MYOF: variants seen among roughly 807,000 people sequenced by gnomAD.
The protein encoded by MYOF is fer-1-like 3, myoferlin.
Under a neutral mutation model 284.2 loss-of-function variants are expected in MYOF, and 244 were observed. The observed-to-expected ratio is 0.86, with a 90% CI of 0.77 to 0.95. MYOF has a LOEUF of 0.95. Ranked by LOEUF, MYOF falls within the 40% of genes least tolerant of loss-of-function variation. The probability of loss-of-function intolerance (pLI) is 0.00; values close to 1 mark genes in which losing one functional copy is unlikely to be tolerated. For synonymous variants in MYOF, 904 were observed against 919.7 expected, an observed-to-expected ratio of 0.98 and a Z score of 0.31; for missense variants, 2,496 against 2,560.6, an observed-to-expected ratio of 0.97 and a Z score of 0.54.
intron 19 of MYOF, 36 bp from the exon 20 acceptor site, chr10:93,381,432 G>A: frequency 6.2e-7 from 1 of 1,603,702 alleles, no homozygotes; most frequent in Non-Finnish European, 8.5e-7. Flanking sequence ...TTCAGTGAAA[G>A]GCCATTTGTT....
rs1415298681 is a variant in MYOF, at chr10:93,408,852, C to T, written c.664G>A (p.Val222Ile). 6.2e-7 allele frequency: 1 copy of T among 1,614,200 alleles called. No individual in the cohort carries two copies. The change falls in exon 7 of 54, where the codon GTT (valine) becomes ATT (isoleucine). Residue 222 changes from valine to isoleucine, a missense_variant. Val to Ile is a conservative substitution (Grantham distance 29). Transcript: ENST00000359263. ...CGGTGTGTCTGGCCACAGACGTGAA[C>T]TTTGACCACAGGCCTTATGTTGTTA... ...SGNNIRPVVK[V>I]HVCGQTHRTR...
chr10:93,401,788 TGTGC>T (rs1368782826), intron 11 of MYOF, among the ~76,000 whole-genome samples: 1 of 53,926 alleles, frequency 1.9e-5, no homozygotes, highest in Non-Finnish European at 3.9e-5. Context: ...AGTAAGAGCC[TGTGC>T]GTGTGTGTGT....
chr10:93,370,106 A>G (rs1845516572), intron 24 of MYOF, among the ~76,000 whole-genome samples: 1 of 152,170 alleles, frequency 6.6e-6, no homozygotes, highest in Non-Finnish European at 1.5e-5. Context: ...TGCAAAAGCA[A>G]CAGTGGAAAA....
intron 49 of MYOF, 45 bp from the exon 50 acceptor site, chr10:93,316,858 C>T (rs374189909): frequency 1.0e-4 from 157 of 1,504,872 alleles, no homozygotes; most frequent in Non-Finnish European, 1.3e-4. Flanking sequence ...GAAACACTCA[C>T]CTTTGGCTCC....
At position 93,387,859 on chromosome 10, in the gene MYOF, C is replaced by T; in HGVS notation, c.1636G>A (p.Glu546Lys). The change falls in exon 19 of 54, where the codon GAG becomes AAG. Residue 546 changes from glutamate (E) to lysine (K), a missense_variant. Transcript: ENST00000359263. ...AGCTTTTTATCTGGTGGTGTCTTCT[C>T]AAGAAAAGTGGCTAATTCAACCAAG... is the stretch of plus-strand genomic sequence containing the variant. The part of the protein sequence containing the change: ...RILVELATFL[E>K]KTPPDKKLEP... 6.2e-7 allele frequency: 1 copy of T among 1,614,112 alleles called. No individual in the cohort carries two copies. The highest frequency in any genetic ancestry group is 8.5e-7 in the Non-Finnish European group (1 of 1,180,022).
intron 3 of MYOF, among the ~76,000 whole-genome samples, chr10:93,441,709 G>A (rs1368651969): frequency 2.0e-5 from 3 of 151,610 alleles, no homozygotes; most frequent in African/African-American, 4.8e-5. Flanking sequence ...GATTACAGGC[G>A]CTTGCCACCA....
chr10:93,413,407 T>C (rs1160683597), intron 5 of MYOF, among the ~76,000 whole-genome samples: 1 of 152,192 alleles, frequency 6.6e-6, no homozygotes, highest in African/African-American at 2.4e-5. Flanking sequence ...AAGAATGCTA[T>C]GGGTTCCACA....
chr10:93,431,504 C>A lies in MYOF; in HGVS notation c.249G>T (p.Thr83=), dbSNP rs199793976. The A allele has an allele frequency of 6.2e-7, 1 of 1,613,496 alleles. No individual in the cohort carries two copies. Among genetic ancestry groups the A allele is most frequent in the African/African-American group, 1.3e-5 (1 of 74,890 alleles). Residue 83 remains threonine (T), a synonymous_variant, in exon 4 of 54, where the codon ACG becomes ACT. Transcript: ENST00000359263. The part of the protein sequence containing the change: ...ETIGQNKLIG[T]ATVALKDLTG... ...TCAGGTCCTTCAGGGCTACAGTCGCCGTGCCAATTAATCTGCAGGGAAAAC... is the reference window on the plus strand; with the variant it reads ...TCAGGTCCTTCAGGGCTACAGTCGCAGTGCCAATTAATCTGCAGGGAAAAC...
At position 93,409,696 on chromosome 10, in the gene MYOF, A is replaced by T; in HGVS notation, c.477T>A (p.Asn159Lys). The T allele has an allele frequency of 6.2e-7, 1 of 1,614,190 alleles. No individual in the cohort carries two copies. Among genetic ancestry groups the T allele is most frequent in the Non-Finnish European group, 8.5e-7 (1 of 1,180,034 alleles). Residue 159 changes from asparagine (N) to lysine (K), a missense_variant, in exon 6 of 54, where the codon AAT (asparagine) becomes AAA (lysine). Asn to Lys is a moderately conservative substitution (Grantham distance 94, BLOSUM62 0). Transcript: ENST00000359263. ...EDEGDEDRLDNAVRGPGPKGP... is the reference protein window; with the variant it reads ...EDEGDEDRLDKAVRGPGPKGP... ...CCTTGGGCCCAGGGCCCCTGACTGCATTGTCCAACCTGTCTTCATCACCTT... is the reference window on the plus strand; with the variant it reads ...CCTTGGGCCCAGGGCCCCTGACTGCTTTGTCCAACCTGTCTTCATCACCTT...
intron 11 of MYOF, 47 bp downstream of exon 11, chr10:93,402,184 CT>C (rs1847327036): frequency 6.6e-7 from 1 of 1,521,578 alleles, no homozygotes; most frequent in Non-Finnish European, 9.1e-7. Context: ...AACTCTTGGC[CT>C]TCTTTTTTAG....
At chr10:93,459,992 A>G (rs1283561215) in intron 1 of MYOF, among the ~76,000 whole-genome samples, 2 of 152,180 alleles carry the variant, frequency 1.3e-5, no homozygotes, top group Non-Finnish European at 2.9e-5. Flanking sequence ...AAGAGAGAAG[A>G]TAGGAGATTC....
At chr10:93,329,070 C>T (rs1476990806) in intron 44 of MYOF, among the ~76,000 whole-genome samples, 159 bp from the exon 45 acceptor site, 1 of 152,088 alleles carries the variant, frequency 6.6e-6, no homozygotes, top group Non-Finnish European at 1.5e-5. Flanking sequence ...TTTCAGAGTC[C>T]TAAAAACCCA....
rs1356146110 is a variant in MYOF at position 93,396,141 on chromosome 10, C to T, written c.1417+1G>A. The stretch of plus-strand genomic sequence containing the variant: ...TGTTCTAGATCTGTTGAGTGACTTA[C>T]CTTCCACTTCCCCACCAGAGGCAGC... On this transcript the variant is annotated splice_donor_variant, in intron 16 of 53. Transcript: ENST00000359263. LOFTEE classifies it high-confidence loss of function. 2.5e-6 allele frequency: 4 copies of T among 1,603,860 alleles called. No individual in the cohort carries two copies. The highest frequency in any genetic ancestry group is 1.3e-5 in the African/African-American group (1 of 74,598).
rs778952541 is a variant in MYOF at position 93,313,261 on chromosome 10, G to A, written c.5699-51C>T. ...CAAATGAGCTTCAAGTGGATCAGCT[G>A]TTGTTCACAAGTGAACAGAACGTTC... On this transcript the variant is annotated intron_variant, in intron 50 of 53. Coordinates refer to ENST00000359263, the MANE Select transcript of MYOF (RefSeq NM_013451.4). The A allele has an allele frequency of 5.2e-6, 8 of 1,547,862 alleles. No individual in the cohort carries two copies. In the East Asian group the frequency reaches 1.6e-4, roughly 31 times the overall value.
chr10:93,401,490 G>C lies in MYOF; in HGVS notation c.1045C>G (p.Leu349Val). ...DSDDVESNLL[L>V]PAGIALRWVT... ...CACCGGAGGGCAATGCCAGCAGGGA[G>C]TAACAAATTACTCTCCACATCATCA... The change falls in exon 12 of 54, where the codon CTC (leucine) becomes GTC (valine). Residue 349 changes from leucine (L) to valine (V), a missense_variant. Physicochemically the swap from Leu to Val is conservative, Grantham distance 32. Transcript: ENST00000359263. The C allele has an allele frequency of 6.2e-7, 1 of 1,614,138 alleles. No homozygotes were observed. The highest frequency in any genetic ancestry group is 8.5e-7 in the Non-Finnish European group (1 of 1,180,014).
At chr10:93,345,281 C>A (rs1181247768) in intron 37 of MYOF, among the ~76,000 whole-genome samples, 1 of 152,150 alleles carries the variant, frequency 6.6e-6, no homozygotes, top group East Asian at 1.9e-4. Context: ...TGCCATTATC[C>A]CTGTTTTAAA....
chr10:93,424,490 G>C (rs541584709), intron 5 of MYOF, among the ~76,000 whole-genome samples: 5 of 152,172 alleles, frequency 3.3e-5, no homozygotes, highest in Admixed American at 2.0e-4. Flanking sequence ...TGGAAGCAAA[G>C]GGAGCCATGG....
At chr10:93,438,826 A>C (rs1216543015) in intron 3 of MYOF, among the ~76,000 whole-genome samples, 2 of 152,140 alleles carry the variant, frequency 1.3e-5, no homozygotes, top group Non-Finnish European at 2.9e-5. Context: ...AAACTGTAGC[A>C]GGCAAACTCC....
chr10:93,343,892 G>C lies in MYOF; in HGVS notation c.4290C>G (p.Ile1430Met), dbSNP rs760804748. 1 of 1,614,048 alleles carries C rather than the reference G, an allele frequency of 6.2e-7. No homozygotes were observed. Among genetic ancestry groups the C allele is most frequent in the African/African-American group, 1.3e-5 (1 of 74,924 alleles). The change falls in exon 38 of 54, where the codon ATC becomes ATG. Residue 1430 changes from isoleucine to methionine, a missense_variant. This residue lies in a region of MYOF where 2,436 missense variants were observed against 2,480.7 expected (regional missense o/e 0.98). Transcript: ENST00000359263. ...LSAPPCRDIV[I>M]EMEDTKPLLA... is the part of the protein sequence containing the mutation. Reference sequence around the variant, plus strand: ...GTAATGGTTTGGTGTCTTCCATTTCGATAACGATGTCCCGGCATGGTGGGG... The same window carrying C: ...GTAATGGTTTGGTGTCTTCCATTTCCATAACGATGTCCCGGCATGGTGGGG...
Sources: gnomAD v4.1 joint callset for allele counts (sites outside exome capture counted in the v4.1 genomes callset) on GRCh38, gnomAD v4.1.1 for gene constraint, gnomAD v4.1.1 regional missense constraint, MANE v1.5 for transcripts, NCBI Gene and HGNC (gene_info 2026-07-23, HGNC 2026-07-21) for gene names.